Variants in PIEZO2 observed in about 807,000 individuals in gnomAD.
The protein encoded by PIEZO2 is piezo type mechanosensitive ion channel component 2, also known as piezo-type mechanosensitive ion channel component 2.
PIEZO2 carries 172 observed loss-of-function variants against 337.3 expected under a neutral mutation model. That is an observed-to-expected ratio of 0.51 (90% CI 0.45 to 0.58). The LOEUF (loss-of-function observed/expected upper bound fraction) is 0.58, where lower values mean the gene tolerates loss of function less well. PIEZO2 is among the 20% of genes least tolerant of loss of function. The probability of loss-of-function intolerance (pLI) is 0.00; values close to 1 mark genes in which losing one functional copy is unlikely to be tolerated. For missense variants in PIEZO2, 3,028 were observed against 3,391.3 expected (o/e 0.89, Z 2.66); for synonymous variants, 1,251 against 1,228.5 (o/e 1.02, Z -0.38).
At chr18:10,858,014 T>C (rs1470185958) in intron 5 of PIEZO2, among the ~76,000 whole-genome samples, 1 of 151,478 alleles carries the variant, frequency 6.6e-6, no homozygotes, top group Non-Finnish European at 1.5e-5. Context: ...TCTTTTTTTT[T>C]TTTTTTAAAG....
intron 2 of PIEZO2, among the ~76,000 whole-genome samples, chr18:11,000,499 G>A (rs532042029): frequency 6.6e-6 from 1 of 152,272 alleles, no homozygotes; most frequent in South Asian, 2.1e-4. Flanking sequence ...ATAGGGGAAG[G>A]ATAGTTCAGG....
chr18:10,683,852 C>A (rs940836501), intron 49 of PIEZO2, among the ~76,000 whole-genome samples: 1 of 152,142 alleles, frequency 6.6e-6, no homozygotes, highest in Admixed American at 6.5e-5. Context: ...GAAGTGGGAC[C>A]ACATTGGTTC....
chr18:10,885,363 G>T (rs1043638016), intron 4 of PIEZO2, among the ~76,000 whole-genome samples: 1 of 152,150 alleles, frequency 6.6e-6, no homozygotes, highest in Non-Finnish European at 1.5e-5. Context: ...GGTGGAGCTT[G>T]CAGTGAGCCG....
rs1330570313 is a variant in PIEZO2, at chr18:11,077,435, G to A, written c.65-11213C>T. Reference sequence around the variant, plus strand: ...CAATCCCAGCACTTTGGGAGGCAGAGGCAGGAGGATTGCTTGAGACCAGGA... The same window carrying A: ...CAATCCCAGCACTTTGGGAGGCAGAAGCAGGAGGATTGCTTGAGACCAGGA... On this transcript the variant is annotated intron_variant, in intron 1 of 55. Transcript: ENST00000674853. The surrounding 1 kb of genome is among the most constrained non-coding windows in gnomAD (Gnocchi z 4.8). Among the ~76,000 whole-genome samples, 2 of 152,148 alleles carry A rather than the reference G, an allele frequency of 1.3e-5. No homozygotes were observed. Among genetic ancestry groups the A allele is most frequent in the Non-Finnish European group, 2.9e-5 (2 of 68,036 alleles).
chr18:10,694,524 A>C (rs2143662380), intron 47 of PIEZO2, among the ~76,000 whole-genome samples: 1 of 152,326 alleles, frequency 6.6e-6, no homozygotes, highest in African/African-American at 2.4e-5. Context: ...GAGATACCTG[A>C]GGATGTTTAA....
In PIEZO2 at chr18:10,824,296, A is replaced by AT. The variant is rs753917743; in HGVS notation, c.918-17023dup. Among the ~76,000 whole-genome samples, 11 of 152,216 alleles carry AT rather than the reference A, an allele frequency of 7.2e-5. No individual in the cohort carries two copies. The highest frequency in any genetic ancestry group is 3.9e-4 in the Admixed American group (6 of 15,280). On this transcript the variant is annotated intron_variant, in intron 7 of 55. Coordinates refer to ENST00000674853, the MANE Select transcript of PIEZO2 (RefSeq NM_001378183.1). The surrounding 1 kb of genome is among the most constrained non-coding windows in gnomAD (Gnocchi z 4.4). Reference sequence around the variant, plus strand: ...TTAAAATAAAGGCAACAAGAAGGTGATATAAAGGCCTTCAAGACCTTAATA... The same window carrying AT: ...TTAAAATAAAGGCAACAAGAAGGTGATTATAAAGGCCTTCAAGACCTTAATA...
rs1372170964 is a variant in PIEZO2, at chr18:11,047,234, G to A, written c.160+18893C>T. 6.6e-6 allele frequency among the ~76,000 whole-genome samples: 1 copy of A among 152,172 alleles called. No homozygotes were observed. The highest frequency in any genetic ancestry group is 2.4e-5 in the African/African-American group (1 of 41,440). On this transcript the variant is annotated intron_variant, in intron 2 of 55. Coordinates refer to ENST00000674853, the MANE Select transcript of PIEZO2 (RefSeq NM_001378183.1). The surrounding 1 kb of genome is among the most constrained non-coding windows in gnomAD (Gnocchi z 7.2). The stretch of plus-strand genomic sequence containing the variant: ...TCAGAGAATGGACGCAAACTTGTCC[G>A]AGCTGTTGGATGGTCAGCTAAGGTT...
intron 8 of PIEZO2, among the ~76,000 whole-genome samples, chr18:10,806,146 A>G (rs2039996325): frequency 6.6e-6 from 1 of 152,188 alleles, no homozygotes; most frequent in African/African-American, 2.4e-5. Context: ...CAGAGAAAGT[A>G]GGGAACTTCT....
chr18:10,728,574 G>T (rs1298834665), intron 36 of PIEZO2: 2 of 151,982 alleles, frequency 1.3e-5, no homozygotes, highest in Non-Finnish European at 2.9e-5. Context: ...AAAAAAGAAT[G>T]ATATGATTTT....
chr18:10,970,531 A>G (rs1314819244), intron 3 of PIEZO2, among the ~76,000 whole-genome samples: 1 of 152,214 alleles, frequency 6.6e-6, no homozygotes, highest in Non-Finnish European at 1.5e-5. Context: ...AATGAGTAAA[A>G]TATCAAGGAC....
chr18:10,808,950 T>TA (rs1328701858), intron 7 of PIEZO2, among the ~76,000 whole-genome samples: 1 of 152,236 alleles, frequency 6.6e-6, no homozygotes, highest in Non-Finnish European at 1.5e-5. Flanking sequence ...ACTCTCAGTT[T>TA]AAAAATACTT....
At position 11,111,636 on chromosome 18, in the gene PIEZO2, C is replaced by A. The variant is rs556640786; in HGVS notation, c.64+36889G>T. Among the ~76,000 whole-genome samples, 88 of 152,192 alleles carry A rather than the reference C, an allele frequency of 5.8e-4. 1 individual carries two copies. In the East Asian group the frequency reaches 0.016, roughly 28 times the overall value. On this transcript the variant is annotated intron_variant, in intron 1 of 55. Transcript: ENST00000674853. This position sits in a 1 kb window ranked among gnomAD's most constrained non-coding sequence, Gnocchi z 6.2. ...TGATCCAGTTCTTCTCCTGCCACCC[C>A]CAACTTCCTCTCTCCTGTGCTCACA... is the stretch of plus-strand genomic sequence containing the variant.
At chr18:10,799,484 T>C (rs1297908990) in intron 11 of PIEZO2, among the ~76,000 whole-genome samples, 1 of 151,968 alleles carries the variant, frequency 6.6e-6, no homozygotes, top group Admixed American at 6.6e-5. Context: ...ATGATGGCTA[T>C]TTGAATTTGT....
intron 11 of PIEZO2, among the ~76,000 whole-genome samples, chr18:10,799,927 C>G (rs184085234): frequency 5.8e-4 from 86 of 148,264 alleles, no homozygotes; most frequent in African/African-American, 1.9e-3. Context: ...GAGCTGAGAT[C>G]GTGCCATTGC....
chr18:10,773,531 T>A lies in PIEZO2; in HGVS notation c.2666A>T (p.Glu889Val). 6.5e-7 allele frequency: 1 copy of A among 1,537,392 alleles called. No individual in the cohort carries two copies. The highest frequency in any genetic ancestry group is 1.2e-5 in the South Asian group (1 of 84,062). The change falls in exon 20 of 56, where the codon GAG becomes GTG. Residue 889 changes from glutamate to valine, a missense_variant. Transcript: ENST00000674853. This position sits in a 1 kb window ranked among gnomAD's most constrained non-coding sequence, Gnocchi z 5.3. ...TTCAGAGTAGCCCTCAAGCTTCTCC[T>A]CCCCAGGCTCAGCCAACTTCCTCAC... Reference protein sequence around the residue: ...PEVRKLAEPGEEKLEGYSEKA... With the variant: ...PEVRKLAEPGVEKLEGYSEKA...
At chr18:10,924,871 T>C (rs1183768736) in intron 3 of PIEZO2, among the ~76,000 whole-genome samples, 1 of 152,186 alleles carries the variant, frequency 6.6e-6, no homozygotes, top group Non-Finnish European at 1.5e-5. Flanking sequence ...GCCAGAAGTG[T>C]GTGCCAAATA....
chr18:10,723,122 C>A (rs1338416381), intron 36 of PIEZO2, among the ~76,000 whole-genome samples: 2 of 152,028 alleles, frequency 1.3e-5, no homozygotes, highest in Non-Finnish European at 2.9e-5. Flanking sequence ...CATGGACCAC[C>A]ACACCCAGTT....
At chr18:11,141,270 G>A (rs1380250629) in intron 1 of PIEZO2, among the ~76,000 whole-genome samples, 3 of 152,196 alleles carry the variant, frequency 2.0e-5, no homozygotes, top group Non-Finnish European at 4.4e-5. Flanking sequence ...TTGGGCTAAT[G>A]ACCAAGTGGT....
In PIEZO2 at chr18:10,673,087, G is replaced by A. The variant is rs1025437353; in HGVS notation, c.8162-214C>T. Among the ~76,000 whole-genome samples the A allele has an allele frequency of 2.6e-5, 4 of 152,154 alleles. No homozygotes were observed. The highest frequency in any genetic ancestry group is 6.5e-5 in the Admixed American group (1 of 15,270). On this transcript the variant is annotated intron_variant, in intron 54 of 55. Coordinates refer to ENST00000674853, the MANE Select transcript of PIEZO2 (RefSeq NM_001378183.1). This position sits in a 1 kb window ranked among gnomAD's most constrained non-coding sequence, Gnocchi z 4.8. Reference sequence around the variant, plus strand: ...TCCTTTTCAGTGAGAGAGGTCAGCCGCTGTTGCTACATGGGCATGGCAGCA... The same window carrying A: ...TCCTTTTCAGTGAGAGAGGTCAGCCACTGTTGCTACATGGGCATGGCAGCA...
Sources: gnomAD v4.1 joint callset for allele counts (sites outside exome capture counted in the v4.1 genomes callset) on GRCh38, gnomAD v4.1.1 for gene constraint, Gnocchi (gnomAD v3.1) non-coding constraint, MANE v1.5 for transcripts, NCBI Gene and HGNC (gene_info 2026-07-23, HGNC 2026-07-21) for gene names.